The following METTL15 variants were observed in gnomAD, a reference collection of about 807,000 sequenced individuals.
The protein encoded by METTL15 is 12S rRNA N(4)-cytidine methyltransferase METTL15.
A neutral mutation model predicts 38.3 loss-of-function variants in METTL15; 34 were observed. The ratio of observed to expected loss-of-function variants is 0.89; its 90% CI spans 0.68 to 1.18. METTL15 has a LOEUF of 1.18. Among genes scored for constraint, METTL15 ranks in the 50% most tolerant of loss-of-function variants. METTL15 has a pLI of 0.00. For missense variants in METTL15, 438 were observed against 498.4 expected, an observed-to-expected ratio of 0.88 and a Z score of 1.15; for synonymous variants, 162 against 170.9, an observed-to-expected ratio of 0.95 and a Z score of 0.41.
At chr11:28,223,372 T>C (rs776690493) in intron 4 of METTL15, among the ~76,000 whole-genome samples, 3 of 152,068 alleles carry the variant, frequency 2.0e-5, no homozygotes, top group African/African-American at 4.8e-5. Flanking sequence ...GAAGTATGCA[T>C]GAGAAAGAAA....
At chr11:28,236,802 G>T (rs928595254) in intron 4 of METTL15, among the ~76,000 whole-genome samples, 22 of 152,112 alleles carry the variant, frequency 1.4e-4, no homozygotes, top group African/African-American at 5.3e-4. Flanking sequence ...GCCTGGTGTT[G>T]ACAAAATCTC....
chr11:28,221,166 G>C (rs1180621174), intron 4 of METTL15, among the ~76,000 whole-genome samples: 1 of 152,106 alleles, frequency 6.6e-6, no homozygotes, highest in South Asian at 2.1e-4. Flanking sequence ...TTTCCAACTT[G>C]GTTCCATTCT....
At chr11:28,333,626 GATA>G (rs531168389), downstream of METTL15, 8 of 151,954 alleles carry the variant, frequency 5.3e-5, no homozygotes, top group Non-Finnish European at 1.2e-4. Flanking sequence ...ACAATTTTTA[GATA>G]ATATCCCTAT....
At chr11:28,213,658 CTTTTTTTT>C (rs34361912) in intron 4 of METTL15, among the ~76,000 whole-genome samples, 1 of 131,954 alleles carries the variant, frequency 7.6e-6, no homozygotes, top group African/African-American at 2.7e-5. Flanking sequence ...GCCTTTTTTT[CTTTTTTTT>C]TTTTTTTGAG....
chr11:28,444,521 T>G (rs778761350), intron 6 of METTL15, among the ~76,000 whole-genome samples: 8 of 152,224 alleles, frequency 5.3e-5, no homozygotes, highest in Non-Finnish European at 1.0e-4. Flanking sequence ...GCCCACAGAA[T>G]TGGGATGCCA....
In METTL15 at chr11:28,408,544, ATAGT is replaced by A. The variant is rs1172608359; in HGVS notation, c.*359-15752_*359-15749del. ...TTTTAAATGTATTAATTGTAAAAAAATAGTTAATAATAATTGGAAAAGACATAAT... is the reference window on the plus strand; with the variant it reads ...TTTTAAATGTATTAATTGTAAAAAAATAATAATAATTGGAAAAGACATAAT... On this transcript the variant is annotated intron_variant and NMD_transcript_variant, in intron 5 of 7. Transcript: ENST00000532947. 5.9e-5 allele frequency among the ~76,000 whole-genome samples: 9 copies of A among 152,336 alleles called. No homozygotes were observed. The South Asian group carries it at 1.5e-3, about 25-fold the overall frequency.
chr11:28,231,302 T>C (rs529222730), intron 4 of METTL15, among the ~76,000 whole-genome samples: 1 of 151,832 alleles, frequency 6.6e-6, no homozygotes, highest in Non-Finnish European at 1.5e-5. Flanking sequence ...GTTATTTAAA[T>C]AAAATACCAT....
chr11:28,532,079 C>T, the METTL15 span, among the ~76,000 whole-genome samples: 3 of 152,088 alleles, frequency 2.0e-5, no homozygotes, highest in African/African-American at 7.2e-5. Context: ...ATCTAACTAC[C>T]TACCACCATC....
chr11:28,433,116 A>G (rs539030138), intron 6 of METTL15, among the ~76,000 whole-genome samples: 1 of 151,374 alleles, frequency 6.6e-6, no homozygotes, highest in Non-Finnish European at 1.5e-5. Context: ...ATAAAATCCA[A>G]AGTTTCCTTG....
At chr11:28,466,264 C>T (rs1851256122) in intron 6 of METTL15, among the ~76,000 whole-genome samples, 1 of 152,094 alleles carries the variant, frequency 6.6e-6, no homozygotes, top group South Asian at 2.1e-4. Context: ...GACGAACGGC[C>T]AAATTGGAAG....
At chr11:28,370,078 AAT>A (rs1295217566) in intron 5 of METTL15, among the ~76,000 whole-genome samples, 1 of 152,088 alleles carries the variant, frequency 6.6e-6, no homozygotes, top group Non-Finnish European at 1.5e-5. Context: ...GAAACACCTG[AAT>A]TATTTTCTTC....
chr11:28,259,129 G>A (rs1040443853), intron 4 of METTL15, among the ~76,000 whole-genome samples: 5 of 152,036 alleles, frequency 3.3e-5, no homozygotes, highest in Non-Finnish European at 7.4e-5. Context: ...CTTGCCTAAG[G>A]CAGCGGGTTC....
At chr11:28,237,191 G>C (rs1854031284) in intron 4 of METTL15, among the ~76,000 whole-genome samples, 1 of 152,174 alleles carries the variant, frequency 6.6e-6, no homozygotes, top group African/African-American at 2.4e-5. Context: ...ATATCCTGCA[G>C]AGTGTTTTCC....
intron 6 of METTL15, among the ~76,000 whole-genome samples, chr11:28,324,969 G>T (rs1380503940): frequency 6.6e-6 from 1 of 152,130 alleles, no homozygotes; most frequent in Non-Finnish European, 1.5e-5. Flanking sequence ...GGCTCCTGCT[G>T]CCCCCATGCC....
At chr11:28,144,957 C>T (rs17244352) in intron 3 of METTL15, 29,990 of 205,214 alleles carry the variant, frequency 0.15, 2,446 homozygotes, top group East Asian at 0.27. Flanking sequence ...ACCACATTTA[C>T]ACCTCAGTGG....
chr11:28,516,592 G>A (rs772561531), intron 6 of METTL15, among the ~76,000 whole-genome samples: 6 of 152,112 alleles, frequency 3.9e-5, no homozygotes, highest in Admixed American at 3.9e-4. Flanking sequence ...TGGCAGTGGG[G>A]ATACTGAGAA....
At chr11:28,387,096 C>T (rs1455112035) in intron 5 of METTL15, among the ~76,000 whole-genome samples, 4 of 151,710 alleles carry the variant, frequency 2.6e-5, no homozygotes, top group African/African-American at 4.8e-5. Context: ...TAAACACTTA[C>T]GTTAAAAGGA....
chr11:28,212,575 T>C (rs1852687714), intron 4 of METTL15, among the ~76,000 whole-genome samples: 1 of 152,178 alleles, frequency 6.6e-6, no homozygotes, highest in Non-Finnish European at 1.5e-5. Context: ...GTTCAGTATG[T>C]GCATATAACC....
chr11:28,514,600 C>T (rs905644567), intron 6 of METTL15, among the ~76,000 whole-genome samples: 1 of 152,212 alleles, frequency 6.6e-6, no homozygotes, highest in Non-Finnish European at 1.5e-5. Flanking sequence ...CCCGCACTTA[C>T]AATCCTTTAG....
Sources: allele counts gnomAD v4.1 joint callset (sites outside exome capture counted in the v4.1 genomes callset), GRCh38; gene constraint gnomAD v4.1.1; transcripts MANE v1.5; gene names NCBI Gene and HGNC (gene_info 2026-07-23, HGNC 2026-07-21).